The following C1orf21 variants were observed in gnomAD, a reference collection of about 807,000 sequenced individuals.
C1orf21 encodes uncharacterized protein C1orf21.
Under a neutral mutation model 18.7 loss-of-function variants are expected in C1orf21, and 3 were observed. The observed-to-expected ratio is 0.16, with a 90% CI of 0.07 to 0.42. The LOEUF (loss-of-function observed/expected upper bound fraction) is 0.42, where lower values mean the gene tolerates loss of function less well. C1orf21 is among the 10% of genes least tolerant of loss of function. C1orf21 has a pLI of 0.99. For synonymous variants in C1orf21, 41 were observed against 46.4 expected, an observed-to-expected ratio of 0.88 and a Z score of 0.47; for missense variants, 104 against 143.6, an observed-to-expected ratio of 0.72 and a Z score of 1.41.
intron 5 of C1orf21, among the ~76,000 whole-genome samples, chr1:184,615,541 G>A (rs1659808048): frequency 6.6e-6 from 1 of 152,194 alleles, no homozygotes; most frequent in Non-Finnish European, 1.5e-5. Context: ...TAAGGGGGAA[G>A]GGCATACTTC....
intron 3 of C1orf21, among the ~76,000 whole-genome samples, chr1:184,589,276 T>TA (rs1333157508): frequency 4.6e-5 from 7 of 152,240 alleles, no homozygotes; most frequent in African/African-American, 1.2e-4. Context: ...GGAAGGAACT[T>TA]ACGCCTTCAG....
At chr1:184,496,540 T>C (rs752113757) in intron 2 of C1orf21, among the ~76,000 whole-genome samples, 3 of 152,366 alleles carry the variant, frequency 2.0e-5, no homozygotes, top group South Asian at 2.1e-4. Flanking sequence ...GCACCTTGTA[T>C]GTGCTGCTTC....
chr1:184,568,816 G>A (rs190720022), intron 3 of C1orf21, among the ~76,000 whole-genome samples: 154 of 152,274 alleles, frequency 1.0e-3, no homozygotes, highest in Non-Finnish European at 1.8e-3. Flanking sequence ...AGCTCCAAAG[G>A]TCATTCTGCC....
At chr1:184,511,336 C>G (rs1169016120) in intron 3 of C1orf21, among the ~76,000 whole-genome samples, 1 of 152,064 alleles carries the variant, frequency 6.6e-6, no homozygotes, top group Non-Finnish European at 1.5e-5. Context: ...TACATAAACC[C>G]CCCTTGGGAA....
At chr1:184,492,388 C>G (rs774791160) in intron 2 of C1orf21, among the ~76,000 whole-genome samples, 6 of 152,188 alleles carry the variant, frequency 3.9e-5, no homozygotes, top group Non-Finnish European at 8.8e-5. Context: ...GGACAATTCA[C>G]TCAACTGTGT....
At chr1:184,549,689 A>G (rs1658786069) in intron 3 of C1orf21, among the ~76,000 whole-genome samples, 1 of 152,002 alleles carries the variant, frequency 6.6e-6, no homozygotes, top group Admixed American at 6.5e-5. Flanking sequence ...GGGACTGCCA[A>G]CCAGGCAGTT....
At chr1:184,443,351 T>C (rs1473569229) in intron 1 of C1orf21, among the ~76,000 whole-genome samples, 1 of 152,186 alleles carries the variant, frequency 6.6e-6, no homozygotes, top group Non-Finnish European at 1.5e-5. Context: ...AGGTGGATAG[T>C]TATCTGGTTT....
At chr1:184,538,205 C>T (rs888293626) in intron 3 of C1orf21, among the ~76,000 whole-genome samples, 2 of 152,134 alleles carry the variant, frequency 1.3e-5, no homozygotes, top group Non-Finnish European at 2.9e-5. Flanking sequence ...TTATATCTCC[C>T]TGATGATTTA....
intron 2 of C1orf21, among the ~76,000 whole-genome samples, chr1:184,488,587 G>A (rs1220342441): frequency 6.6e-6 from 1 of 152,142 alleles, no homozygotes; most frequent in Non-Finnish European, 1.5e-5. Context: ...TGTTATTTGT[G>A]ATTATAATAT....
rs535181008 is a variant in C1orf21 at position 184,486,746 on chromosome 1, T to G, written c.94+9143T>G. ...CTTTTCCTTCCCTTGCCAGCTGGTA[T>G]CATGAGCCTGTTCTTTTGAAGTTAG... is the stretch of plus-strand genomic sequence containing the variant. On this transcript the variant is annotated intron_variant, in intron 2 of 5. Coordinates refer to ENST00000235307, the MANE Select transcript of C1orf21 (RefSeq NM_030806.4). Among the ~76,000 whole-genome samples, 3 of 152,296 alleles carry G rather than the reference T, an allele frequency of 2.0e-5. No individual in the cohort carries two copies. The East Asian group carries it at 5.8e-4, about 29-fold the overall frequency.
chr1:184,388,775 G>T (rs1160737377), intron 1 of C1orf21, among the ~76,000 whole-genome samples: 1 of 152,146 alleles, frequency 6.6e-6, no homozygotes, highest in African/African-American at 2.4e-5. Flanking sequence ...GATAGAATTG[G>T]AATGTACCAG....
intron 1 of C1orf21, among the ~76,000 whole-genome samples, chr1:184,449,263 T>G (rs1485977586): frequency 6.7e-6 from 1 of 148,944 alleles, no homozygotes. Flanking sequence ...TGTGTTCTCA[T>G]TGTTCAGTTC....
chr1:184,501,503 C>T (rs927867022), intron 2 of C1orf21, among the ~76,000 whole-genome samples: 1 of 152,188 alleles, frequency 6.6e-6, no homozygotes, highest in African/African-American at 2.4e-5. Flanking sequence ...CCACCACCCC[C>T]ACATGTGCTT....
rs1227340485 is a variant in C1orf21 at position 184,627,267 on chromosome 1, A to AC, written c.*7713dup. 2 of 151,994 alleles carry AC rather than the reference A, an allele frequency of 1.3e-5. No homozygotes were observed. The highest frequency in any genetic ancestry group is 3.2e-3 in the Middle Eastern group (1 of 316). The allele number at this position is 151,994 out of a possible 1,614,324, so 9.4% of individuals were successfully genotyped here. ...CAGTGCCTTTTAGGTTTTCCAAATA[A>AC]CCTCGGAGTTCAGAGCATTGGGTTT... On this transcript the variant is annotated 3_prime_UTR_variant, in exon 6 of 6. Coordinates refer to ENST00000235307, the MANE Select transcript of C1orf21 (RefSeq NM_030806.4).
rs753012202 is a variant in C1orf21 at position 184,624,898 on chromosome 1, C to T, written c.*5342C>T. ...TTAAAGGTGCTGCCTAGACGGGACC[C>T]GCTCCCACCTTTACTTACTTTGCTC... On this transcript the variant is annotated 3_prime_UTR_variant, in exon 6 of 6. Coordinates refer to ENST00000235307, the MANE Select transcript of C1orf21 (RefSeq NM_030806.4). The T allele has an allele frequency of 1.3e-5, 2 of 152,132 alleles. No homozygotes were observed. Among genetic ancestry groups the T allele is most frequent in the Admixed American group, 6.5e-5 (1 of 15,274 alleles). The allele number at this position is 152,132 out of a possible 1,614,324, so 9.4% of individuals were successfully genotyped here.
chr1:184,472,577 A>T (rs536825441), intron 1 of C1orf21, among the ~76,000 whole-genome samples: 98 of 152,264 alleles, frequency 6.4e-4, no homozygotes, highest in African/African-American at 1.9e-3. Context: ...GCCTTTTTTT[A>T]AAAAAAGTTC....
chr1:184,587,120 C>A (rs1195538952), intron 3 of C1orf21, among the ~76,000 whole-genome samples: 1 of 152,128 alleles, frequency 6.6e-6, no homozygotes, highest in Non-Finnish European at 1.5e-5. Flanking sequence ...TCTGGGTTCT[C>A]TGTTTTGTTC....
chr1:184,574,417 T>A (rs1221907668), intron 3 of C1orf21, among the ~76,000 whole-genome samples: 2 of 152,196 alleles, frequency 1.3e-5, no homozygotes, highest in Non-Finnish European at 2.9e-5. Flanking sequence ...TGTCACTGAA[T>A]TAACAAACCA....
At chr1:184,590,140 G>C (rs1174218807) in intron 3 of C1orf21, among the ~76,000 whole-genome samples, 1 of 152,194 alleles carries the variant, frequency 6.6e-6, no homozygotes, top group Non-Finnish European at 1.5e-5. Context: ...AGATTTGAGA[G>C]TATTTCCTTC....
Sources: gnomAD v4.1 joint callset for allele counts (sites outside exome capture counted in the v4.1 genomes callset) on GRCh38, gnomAD v4.1.1 for gene constraint, MANE v1.5 for transcripts, NCBI Gene and HGNC (gene_info 2026-07-23, HGNC 2026-07-21) for gene names.